Variants in SLC35A3 observed in about 807,000 individuals in gnomAD.
The protein encoded by SLC35A3 is UDP-N-acetylglucosamine transporter.
SLC35A3 carries 26 observed loss-of-function variants against 39.0 expected under a neutral mutation model. The observed-to-expected ratio is 0.67, with a 90% CI of 0.49 to 0.92. SLC35A3 has a LOEUF of 0.92. Ranked by LOEUF, SLC35A3 falls within the 40% of genes least tolerant of loss-of-function variation. The pLI, the probability that SLC35A3 is intolerant of heterozygous loss-of-function variation, is 0.00. For missense variants in SLC35A3, 299 were observed against 371.6 expected, an observed-to-expected ratio of 0.80 and a Z score of 1.61; for synonymous variants, 135 against 133.1, an observed-to-expected ratio of 1.01 and a Z score of -0.10.
intron 2 of SLC35A3, among the ~76,000 whole-genome samples, chr1:99,995,368 GTCT>G (rs1658346833): frequency 6.6e-6 from 1 of 151,920 alleles, no homozygotes; most frequent in Non-Finnish European, 1.5e-5. Context: ...GGCCAGGCTG[GTCT>G]TGAACTCCTG....
At chr1:99,997,154 C>T (rs1375760281) in intron 2 of SLC35A3, among the ~76,000 whole-genome samples, 3 of 151,620 alleles carry the variant, frequency 2.0e-5, no homozygotes, top group East Asian at 1.9e-4. Context: ...TTGGCTCTAA[C>T]GTGGAGGAAA....
chr1:100,000,129 A>T (rs1362774492), intron 3 of SLC35A3, among the ~76,000 whole-genome samples: 2 of 152,126 alleles, frequency 1.3e-5, no homozygotes, highest in Non-Finnish European at 2.9e-5. Flanking sequence ...TGGTAGTTCT[A>T]TTTTAAGTTT....
At chr1:99,994,930 T>C (rs953050751) in intron 2 of SLC35A3, among the ~76,000 whole-genome samples, 2 of 152,248 alleles carry the variant, frequency 1.3e-5, no homozygotes, top group Non-Finnish European at 2.9e-5. Context: ...CAACAAAGTA[T>C]GAAGGTTCCT....
In SLC35A3 at chr1:100,035,542, TA is replaced by T. The variant is rs1661451148; in HGVS notation, c.*13068del. The T allele has an allele frequency of 6.6e-6, 1 of 152,266 alleles. No individual in the cohort carries two copies. The highest frequency in any genetic ancestry group is 6.5e-5 in the Admixed American group (1 of 15,294). 9.4% of individuals were successfully genotyped at this position (152,266 alleles called of 1,614,324 possible). A position where few individuals can be genotyped will look rare whatever the true frequency, so the allele number is the denominator to read the frequency against. On this transcript the variant is annotated 3_prime_UTR_variant, in exon 8 of 8. Coordinates refer to ENST00000533028, the MANE Select transcript of SLC35A3 (RefSeq NM_012243.3). ...CTGCAATTACCTTCCTTTTGTTTTG[TA>T]ACTGTGTCCCCCACTAGAATGTAAG...
rs1246884814 is a variant in SLC35A3, at chr1:100,034,380, CTAT to C, written c.*11906_*11908del. On this transcript the variant is annotated 3_prime_UTR_variant, in exon 8 of 8. Coordinates refer to ENST00000533028, the MANE Select transcript of SLC35A3 (RefSeq NM_012243.3). ...TGTTCAACTCTCATTTTACATCTTA[CTAT>C]TGAGTTTAAAAATTTTTATTTGCTG... 1 of 152,030 alleles carries C rather than the reference CTAT, an allele frequency of 6.6e-6. No individual in the cohort carries two copies. Among genetic ancestry groups the C allele is most frequent in the East Asian group, 1.9e-4 (1 of 5,192 alleles). The allele number at this position is 152,030 out of a possible 1,614,324, so 9.4% of individuals were successfully genotyped here. A position where few individuals can be genotyped will look rare whatever the true frequency, so the allele number is the denominator to read the frequency against.
In SLC35A3 at chr1:100,023,964, G is replaced by T. The variant is rs899058738; in HGVS notation, c.*1488G>T. 9 of 150,972 alleles carry T rather than the reference G, an allele frequency of 6.0e-5. No individual in the cohort carries two copies. Among genetic ancestry groups the T allele is most frequent in the African/African-American group, 2.2e-4 (9 of 40,950 alleles). The allele number at this position is 150,972 out of a possible 1,614,324, so 9.4% of individuals were successfully genotyped here. Reference sequence around the variant, plus strand: ...AGAGGTTGCAGTAAGTGGAGATCACGCCACTGCACTCCAACCTGGGCGACA... The same window carrying T: ...AGAGGTTGCAGTAAGTGGAGATCACTCCACTGCACTCCAACCTGGGCGACA... On this transcript the variant is annotated 3_prime_UTR_variant, in exon 8 of 8. Transcript: ENST00000533028.
rs969734754 is a variant in SLC35A3, at chr1:100,032,253, C to T, written c.*9777C>T. 2 of 152,050 alleles carry T rather than the reference C, an allele frequency of 1.3e-5. No individual in the cohort carries two copies. The highest frequency in any genetic ancestry group is 2.4e-5 in the African/African-American group (1 of 41,370). 9.4% of individuals were successfully genotyped at this position (152,050 alleles called of 1,614,324 possible). A position where few individuals can be genotyped will look rare whatever the true frequency, so the allele number is the denominator to read the frequency against. On this transcript the variant is annotated 3_prime_UTR_variant, in exon 8 of 8. Transcript: ENST00000533028. Reference sequence around the variant, plus strand: ...CAGGAGAATATTCTGTTTCCCAATGCCTTTAGCATCAATTGATGATTCTTG... The same window carrying T: ...CAGGAGAATATTCTGTTTCCCAATGTCTTTAGCATCAATTGATGATTCTTG...
intron 1 of SLC35A3, among the ~76,000 whole-genome samples, chr1:99,983,437 GC>G (rs1285881911): frequency 1.3e-5 from 2 of 151,542 alleles, no homozygotes; most frequent in Non-Finnish European, 2.9e-5. Flanking sequence ...TACTCAGGAG[GC>G]CGAGGCAGGA....
intron 3 of SLC35A3, among the ~76,000 whole-genome samples, chr1:100,004,693 AT>A (rs1204741784): frequency 6.6e-6 from 1 of 151,586 alleles, no homozygotes; most frequent in Admixed American, 6.6e-5. Context: ...TTATTTACCT[AT>A]TTTTTAATTT....
rs1661048882 is a variant in SLC35A3, at chr1:100,028,635, GT to G, written c.*6160del. Reference sequence around the variant, plus strand: ...GAGCGACCACACCCAGCCCATATTGGTCTTTCTTACTGTTCTTAAAAAGAGA... The same window carrying G: ...GAGCGACCACACCCAGCCCATATTGGCTTTCTTACTGTTCTTAAAAAGAGA... On this transcript the variant is annotated 3_prime_UTR_variant, in exon 8 of 8. Coordinates refer to ENST00000533028, the MANE Select transcript of SLC35A3 (RefSeq NM_012243.3). 6.6e-6 allele frequency: 1 copy of G among 152,210 alleles called. No homozygotes were observed. Among genetic ancestry groups the G allele is most frequent in the Admixed American group, 6.5e-5 (1 of 15,268 alleles). 9.4% of individuals were successfully genotyped at this position (152,210 alleles called of 1,614,324 possible).
At chr1:100,003,082 A>G (rs910225047) in intron 3 of SLC35A3, among the ~76,000 whole-genome samples, 5 of 151,964 alleles carry the variant, frequency 3.3e-5, no homozygotes, top group Admixed American at 3.3e-4. Flanking sequence ...TGTATCTCAT[A>G]GGTTTTGGTA....
chr1:99,985,793 G>C (rs1481591969), intron 1 of SLC35A3, among the ~76,000 whole-genome samples: 1 of 152,110 alleles, frequency 6.6e-6, no homozygotes, highest in East Asian at 1.9e-4. Context: ...TCCTGGGTTA[G>C]GTGTATTCCT....
At chr1:100,016,625 G>A (rs1372006083) in intron 6 of SLC35A3, among the ~76,000 whole-genome samples, 2 of 151,634 alleles carry the variant, frequency 1.3e-5, no homozygotes, top group African/African-American at 4.8e-5. Flanking sequence ...CGCCCACCTC[G>A]GCCTCCCAAA....
chr1:99,993,549 A>T lies in SLC35A3; in HGVS notation c.-6A>T. On this transcript the variant is annotated 5_prime_UTR_variant, in exon 2 of 8. Coordinates refer to ENST00000533028, the MANE Select transcript of SLC35A3 (RefSeq NM_012243.3). Reference sequence around the variant, plus strand: ...TTTTGTTTTTCAGGCAAATGAAGATAAAACAATGTTCGCCAACCTAAAATA... The same window carrying T: ...TTTTGTTTTTCAGGCAAATGAAGATTAAACAATGTTCGCCAACCTAAAATA... 1 of 1,613,692 alleles carries T rather than the reference A, an allele frequency of 6.2e-7. No homozygotes were observed. Among genetic ancestry groups the T allele is most frequent in the Non-Finnish European group, 8.5e-7 (1 of 1,179,782 alleles).
Position 100,034,978 on chromosome 1 carries a change from G to C in SLC35A3, c.*12502G>C, listed in dbSNP as rs1400698321. The C allele has an allele frequency of 6.6e-6, 1 of 152,086 alleles. No individual in the cohort carries two copies. Among genetic ancestry groups the C allele is most frequent in the Non-Finnish European group, 1.5e-5 (1 of 68,024 alleles). The allele number at this position is 152,086 out of a possible 1,614,324, so 9.4% of individuals were successfully genotyped here. ...TGCTTACGTTAGCGAGTACTAGTTT[G>C]TTAGCCAGTGTTAGTTTCTGTTGAT... is the stretch of plus-strand genomic sequence containing the variant. On this transcript the variant is annotated 3_prime_UTR_variant, in exon 8 of 8. Coordinates refer to ENST00000533028, the MANE Select transcript of SLC35A3 (RefSeq NM_012243.3).
In SLC35A3 at chr1:100,025,218, CAA is replaced by C. The variant is rs1660842093; in HGVS notation, c.*2744_*2745del. ...ACTGCTAAGTAAAATCTAAATCCTG[CAA>C]ATGCACAGAATTCAAGCTGAAATAT... On this transcript the variant is annotated 3_prime_UTR_variant, in exon 8 of 8. Transcript: ENST00000533028. 1 of 152,218 alleles carries C rather than the reference CAA, an allele frequency of 6.6e-6. No homozygotes were observed. The highest frequency in any genetic ancestry group is 2.4e-5 in the African/African-American group (1 of 41,450). The allele number at this position is 152,218 out of a possible 1,614,324, so 9.4% of individuals were successfully genotyped here.
chr1:100,013,691 TAC>T (rs200398895), intron 5 of SLC35A3, among the ~76,000 whole-genome samples: 2,012 of 151,884 alleles, frequency 0.013, 18 homozygotes, highest in Middle Eastern at 0.058. Context: ...TGTATATATA[TAC>T]ACACACATAC....
intron 5 of SLC35A3, among the ~76,000 whole-genome samples, chr1:100,011,895 T>A (rs543982978): frequency 6.6e-6 from 1 of 151,834 alleles, no homozygotes; most frequent in South Asian, 2.1e-4. Context: ...ATTTTTTGTA[T>A]TTTTAGTAGA....
rs1661407016 is a variant in SLC35A3 at position 100,034,784 on chromosome 1, C to A, written c.*12308C>A. The A allele has an allele frequency of 6.6e-6, 1 of 152,132 alleles. No homozygotes were observed. The highest frequency in any genetic ancestry group is 1.5e-5 in the Non-Finnish European group (1 of 68,010). 9.4% of individuals were successfully genotyped at this position (152,132 alleles called of 1,614,324 possible). ...ATCTTGTTTCTTTAGGAATCTTTTA[C>A]TTTTGGCCACTTGCCTTTCTTTCCA... On this transcript the variant is annotated 3_prime_UTR_variant, in exon 8 of 8. Coordinates refer to ENST00000533028, the MANE Select transcript of SLC35A3 (RefSeq NM_012243.3).
Sources: gnomAD v4.1 joint callset for allele counts (sites outside exome capture counted in the v4.1 genomes callset) on GRCh38, gnomAD v4.1.1 for gene constraint, MANE v1.5 for transcripts, NCBI Gene and HGNC (gene_info 2026-07-23, HGNC 2026-07-21) for gene names.